The following CAMK4 variants were observed in gnomAD, a reference collection of about 807,000 sequenced individuals.
CAMK4 encodes calcium/calmodulin dependent protein kinase IV, also known as calcium/calmodulin-dependent protein kinase type IV.
CAMK4 carries 22 observed loss-of-function variants against 44.9 expected under a neutral mutation model. The ratio of observed to expected loss-of-function variants is 0.49; its 90% confidence interval spans 0.35 to 0.70. The LOEUF (loss-of-function observed/expected upper bound fraction) is 0.70, where lower values mean the gene tolerates loss of function less well. CAMK4 is among the 30% of genes least tolerant of loss of function. CAMK4 has a pLI of 0.01. For synonymous variants in CAMK4, 218 were observed against 215.4 expected (o/e 1.01, Z -0.11); for missense variants, 498 against 586.8 (o/e 0.85, Z 1.56).
intron 1 of CAMK4, among the ~76,000 whole-genome samples, chr5:111,332,254 G>A (rs952840255): frequency 2.2e-4 from 20 of 89,978 alleles, no homozygotes; most frequent in Non-Finnish European, 3.1e-4. Flanking sequence ...CAACAGTCCC[G>A]GAGTGTGATG....
chr5:111,452,728 A>G (rs1488074857), intron 7 of CAMK4, among the ~76,000 whole-genome samples: 1 of 152,138 alleles, frequency 6.6e-6, no homozygotes, highest in African/African-American at 2.4e-5. Context: ...TTCTATTATT[A>G]TTTTCTCTTG....
chr5:111,302,005 G>A (rs1282776133), intron 1 of CAMK4, among the ~76,000 whole-genome samples: 2 of 152,120 alleles, frequency 1.3e-5, no homozygotes, highest in South Asian at 2.1e-4. Context: ...ATTAGAATTC[G>A]GTGAGGATGT....
rs764176370 is a variant in CAMK4 at position 111,446,673 on chromosome 5, T to C, written c.460-13T>C. ...CATTACACAAATGTTATTTCATTAT[T>C]TTCCCTCTTTAGTATCTACATGAAA... On this transcript the variant is annotated splice_polypyrimidine_tract_variant and intron_variant, in intron 5 of 10. Transcript: ENST00000282356. The C allele has an allele frequency of 7.3e-7, 1 of 1,376,350 alleles. No individual in the cohort carries two copies. Among genetic ancestry groups the C allele is most frequent in the South Asian group, 1.2e-5 (1 of 81,744 alleles). The allele number at this position is 1,376,350 out of a possible 1,614,324, so 85.3% of individuals were successfully genotyped here.
At chr5:111,390,799 G>A (rs1046959787) in intron 4 of CAMK4, among the ~76,000 whole-genome samples, 1 of 152,128 alleles carries the variant, frequency 6.6e-6, no homozygotes, top group African/African-American at 2.4e-5. Flanking sequence ...AGCAAAACCA[G>A]GTGGCCGGGT....
chr5:111,372,586 A>G (rs1030187164), intron 2 of CAMK4, among the ~76,000 whole-genome samples: 4 of 152,096 alleles, frequency 2.6e-5, no homozygotes, highest in African/African-American at 9.7e-5. Context: ...CAATTTGGTT[A>G]TGTCTGCAGA....
chr5:111,392,748 T>C (rs556024298), intron 4 of CAMK4, among the ~76,000 whole-genome samples: 1 of 152,032 alleles, frequency 6.6e-6, no homozygotes, highest in African/African-American at 2.4e-5. Context: ...AAGAATAACA[T>C]GTAAAATTAG....
chr5:111,342,592 T>C (rs986989278), intron 1 of CAMK4, among the ~76,000 whole-genome samples: 2 of 151,604 alleles, frequency 1.3e-5, no homozygotes, highest in African/African-American at 2.4e-5. Context: ...CTCTTTAAGT[T>C]TTAATTAACA....
chr5:111,228,457 C>A (rs1210721776), intron 1 of CAMK4, among the ~76,000 whole-genome samples: 2 of 150,966 alleles, frequency 1.3e-5, no homozygotes, highest in Non-Finnish European at 2.9e-5. Context: ...TATATAGGAT[C>A]CCTTGCTATA....
Position 111,492,551 on chromosome 5 carries a change from T to C in CAMK4, c.*8085T>C, listed in dbSNP as rs1755889619. On this transcript the variant is annotated 3_prime_UTR_variant, in exon 11 of 11. Coordinates refer to ENST00000282356, the MANE Select transcript of CAMK4 (RefSeq NM_001744.6). ...GACGATCATTGATGGACAAATACTT[T>C]AGAAATGAATGAAGTCAATAGCTAA... 1 of 152,174 alleles carries C rather than the reference T, an allele frequency of 6.6e-6. No individual in the cohort carries two copies. Among genetic ancestry groups the C allele is most frequent in the South Asian group, 2.1e-4 (1 of 4,824 alleles). 9.4% of individuals were successfully genotyped at this position (152,174 alleles called of 1,614,324 possible). A position where few individuals can be genotyped will look rare whatever the true frequency, so the allele number is the denominator to read the frequency against.
At chr5:111,467,373 CAAAAAAAAAAAAA>C (rs34201915) in intron 7 of CAMK4, among the ~76,000 whole-genome samples, 1 of 49,508 alleles carries the variant, frequency 2.0e-5, no homozygotes, top group African/African-American at 9.2e-5. Context: ...TTCTGCATAG[CAAAAAAAAAAAAA>C]AAAAAAAAAA....
At chr5:111,332,052 C>G (rs1207020814) in intron 1 of CAMK4, among the ~76,000 whole-genome samples, 1 of 151,518 alleles carries the variant, frequency 6.6e-6, no homozygotes, top group African/African-American at 2.4e-5. Flanking sequence ...AAATATTGCT[C>G]ACACCCACAC....
At chr5:111,323,371 C>G (rs1748741950) in intron 1 of CAMK4, among the ~76,000 whole-genome samples, 1 of 151,958 alleles carries the variant, frequency 6.6e-6, no homozygotes, top group Non-Finnish European at 1.5e-5. Flanking sequence ...CATGTTTGCA[C>G]TATTGTAAAA....
intron 1 of CAMK4, among the ~76,000 whole-genome samples, chr5:111,316,333 C>T (rs775432641): frequency 6.6e-6 from 1 of 152,154 alleles, no homozygotes; most frequent in East Asian, 1.9e-4. Flanking sequence ...TCACCACTGT[C>T]CCACTTAACT....
chr5:111,449,016 A>T, intron 6 of CAMK4, 113 bp from the exon 7 acceptor site: 3 of 531,340 alleles, frequency 5.6e-6, no homozygotes, highest in Non-Finnish European at 1.0e-5. Flanking sequence ...CCCATCATCA[A>T]ATACAAAAGA....
intron 3 of CAMK4, among the ~76,000 whole-genome samples, chr5:111,375,581 C>T (rs1292534830): frequency 6.6e-6 from 1 of 152,152 alleles, no homozygotes; most frequent in Non-Finnish European, 1.5e-5. Context: ...AGATGGCCTG[C>T]AACGCTTAGA....
intron 7 of CAMK4, among the ~76,000 whole-genome samples, chr5:111,462,765 C>A (rs1473738316): frequency 6.6e-6 from 1 of 152,122 alleles, no homozygotes; most frequent in Non-Finnish European, 1.5e-5. Flanking sequence ...GTAAGTGAGC[C>A]CTAGGCCATA....
intron 8 of CAMK4, among the ~76,000 whole-genome samples, chr5:111,474,491 C>T (rs1185444078): frequency 6.6e-6 from 1 of 152,194 alleles, no homozygotes; most frequent in East Asian, 1.9e-4. Context: ...GAAGACCCCA[C>T]TCTCATGACC....
Position 111,224,725 on chromosome 5 carries a change from G to A in CAMK4, c.161+81G>A. 7.2e-7 allele frequency: 1 copy of A among 1,381,406 alleles called. No homozygotes were observed. Among genetic ancestry groups the A allele is most frequent in the East Asian group, 2.5e-5 (1 of 39,750 alleles). The allele number at this position is 1,381,406 out of a possible 1,614,324, so 85.6% of individuals were successfully genotyped here. A position where few individuals can be genotyped will look rare whatever the true frequency, so the allele number is the denominator to read the frequency against. On this transcript the variant is annotated intron_variant, in intron 1 of 10. Transcript: ENST00000282356. The surrounding 1 kb of genome is among the most constrained non-coding windows in gnomAD (Gnocchi z 5.7). ...CTCGCAGCGACGGCTCGGAGGGTGC[G>A]GGAGCCTGCCTTCGTGCCCTTCGAT...
intron 5 of CAMK4, among the ~76,000 whole-genome samples, chr5:111,420,607 A>G (rs1752990419): frequency 6.6e-6 from 1 of 151,976 alleles, no homozygotes. Context: ...ACTGGGGTCT[A>G]TTTCACCCCT....
Sources: gnomAD v4.1 joint callset for allele counts (sites outside exome capture counted in the v4.1 genomes callset) on GRCh38, gnomAD v4.1.1 for gene constraint, Gnocchi (gnomAD v3.1) non-coding constraint, MANE v1.5 for transcripts, NCBI Gene and HGNC (gene_info 2026-07-23, HGNC 2026-07-21) for gene names.